The following CYP19A1 variants were observed in gnomAD, a reference collection of about 807,000 sequenced individuals.
The protein encoded by CYP19A1 is cytochrome P450 family 19 subfamily A member 1.
In CYP19A1, 32 loss-of-function variants were observed where a neutral mutation model predicts 44.4. The observed-to-expected ratio is 0.72, with a 90% CI of 0.54 to 0.97. The LOEUF (loss-of-function observed/expected upper bound fraction) is 0.97, where lower values mean the gene tolerates loss of function less well. CYP19A1 is among the 50% of genes least tolerant of loss of function. The probability of loss-of-function intolerance (pLI) is 0.00; values close to 1 mark genes in which losing one functional copy is unlikely to be tolerated. For missense variants in CYP19A1, 598 were observed against 637.8 expected (o/e 0.94, Z 0.67); for synonymous variants, 212 against 215.6 (o/e 0.98, Z 0.14).
chr15:51,238,898 A>C (rs16964215), intron 2 of CYP19A1, among the ~76,000 whole-genome samples: 15,390 of 152,226 alleles, frequency 0.1, 877 homozygotes, highest in Admixed American at 0.18. Flanking sequence ...GGGACTGGAG[A>C]TGTTATAAGT....
chr15:51,331,671 A>G (rs571249579), intron 1 of CYP19A1, among the ~76,000 whole-genome samples: 3 of 152,294 alleles, frequency 2.0e-5, no homozygotes, highest in East Asian at 3.9e-4. Context: ...AAGGTACTGA[A>G]ATCACACATG....
At chr15:51,216,531 G>T (rs2031596562) in intron 6 of CYP19A1, among the ~76,000 whole-genome samples, 1 of 152,304 alleles carries the variant, frequency 6.6e-6, no homozygotes, top group Non-Finnish European at 1.5e-5. Context: ...GGGATTGCAG[G>T]CATGAGCCAT....
intron 1 of CYP19A1, chr15:51,315,698 C>T (rs943172217): frequency 1.3e-5 from 2 of 152,234 alleles, no homozygotes; most frequent in African/African-American, 4.8e-5. Flanking sequence ...CCTCATGCTT[C>T]CCTGGATCTC....
intron 1 of CYP19A1, among the ~76,000 whole-genome samples, chr15:51,309,956 T>G (rs1199858348): frequency 6.6e-6 from 1 of 152,176 alleles, no homozygotes; most frequent in African/African-American, 2.4e-5. Flanking sequence ...CTTTGTTGAA[T>G]GAGCATTGTT....
chr15:51,231,041 A>G (rs1321621315), intron 3 of CYP19A1, among the ~76,000 whole-genome samples: 3 of 152,204 alleles, frequency 2.0e-5, no homozygotes, highest in Non-Finnish European at 2.9e-5. Flanking sequence ...CTAGGTGACT[A>G]CAAGAGATAA....
chr15:51,325,073 T>C (rs367790503), intron 1 of CYP19A1, among the ~76,000 whole-genome samples: 1 of 152,134 alleles, frequency 6.6e-6, no homozygotes, highest in Non-Finnish European at 1.5e-5. Context: ...ATTTCCAAGT[T>C]TAGGGCACAC....
At chr15:51,228,268 C>T (rs184470765) in intron 3 of CYP19A1, among the ~76,000 whole-genome samples, 1 of 152,306 alleles carries the variant, frequency 6.6e-6, no homozygotes, top group African/African-American at 2.4e-5. Flanking sequence ...TGCTAAGAAG[C>T]TGAACCCTCC....
rs2030596109 is a variant in CYP19A1, at chr15:51,208,456, A to G, written c.*2352T>C. The G allele has an allele frequency of 6.6e-6, 1 of 152,192 alleles. No individual in the cohort carries two copies. The highest frequency in any genetic ancestry group is 2.1e-4 in the South Asian group (1 of 4,822). The allele number at this position is 152,192 out of a possible 1,614,324, so 9.4% of individuals were successfully genotyped here. On this transcript the variant is annotated 3_prime_UTR_variant, in exon 10 of 10. Coordinates refer to ENST00000396402, the MANE Select transcript of CYP19A1 (RefSeq NM_000103.4). Reference sequence around the variant, plus strand: ...ACACATTGCAGTTCTTTCAGAACTGATGAAAATGGAATCCACAGCACATTG... The same window carrying G: ...ACACATTGCAGTTCTTTCAGAACTGGTGAAAATGGAATCCACAGCACATTG...
intron 1 of CYP19A1, among the ~76,000 whole-genome samples, chr15:51,272,141 C>G (rs2035148815): frequency 6.6e-6 from 1 of 152,198 alleles, no homozygotes; most frequent in African/African-American, 2.4e-5. Flanking sequence ...CCGTGAGTGC[C>G]AACTTTCTGT....
intron 1 of CYP19A1, chr15:51,277,536 A>G (rs1247325052): frequency 2.0e-5 from 3 of 152,258 alleles, no homozygotes; most frequent in Non-Finnish European, 4.4e-5. Context: ...TGGAATTGAC[A>G]TTGGATTAAA....
chr15:51,255,936 C>T (rs776840525), intron 1 of CYP19A1, among the ~76,000 whole-genome samples: 2 of 152,170 alleles, frequency 1.3e-5, no homozygotes, highest in Non-Finnish European at 2.9e-5. Context: ...AAAATGATGG[C>T]CCCAGAAGTG....
intron 1 of CYP19A1, among the ~76,000 whole-genome samples, chr15:51,248,404 C>G (rs967175509): frequency 2.6e-5 from 4 of 152,206 alleles, no homozygotes; most frequent in Admixed American, 6.5e-5. Flanking sequence ...GCTTTGGTGC[C>G]AGGCCATAAG....
At chr15:51,229,382 C>A (rs1370739649) in intron 3 of CYP19A1, among the ~76,000 whole-genome samples, 2 of 140,468 alleles carry the variant, frequency 1.4e-5, no homozygotes, top group Admixed American at 7.4e-5. Context: ...AGAGCAAGAT[C>A]CTATCTCAAA....
intron 1 of CYP19A1, among the ~76,000 whole-genome samples, chr15:51,292,604 C>T (rs527291927): frequency 2.6e-5 from 4 of 152,214 alleles, no homozygotes; most frequent in Non-Finnish European, 5.9e-5. Flanking sequence ...CTGGGGAGAA[C>T]AATGTCAAAT....
rs1238309521 is a variant in CYP19A1 at position 51,223,752 on chromosome 15, G to GCCTTAA, written c.452-1228_452-1227insTTAAGG. Among the ~76,000 whole-genome samples the GCCTTAA allele has an allele frequency of 3.9e-5, 6 of 152,262 alleles. No individual in the cohort carries two copies. In the East Asian group the frequency reaches 9.6e-4, roughly 24 times the overall value. Reference sequence around the variant, plus strand: ...CATACATCTTGGAAGGAAGGTTGAGGAAGGAGCAGGCTTTCTGACCATAGG... The same window carrying GCCTTAA: ...CATACATCTTGGAAGGAAGGTTGAGGCCTTAAAAGGAGCAGGCTTTCTGACCATAGG... On this transcript the variant is annotated intron_variant, in intron 4 of 9. Coordinates refer to ENST00000396402, the MANE Select transcript of CYP19A1 (RefSeq NM_000103.4).
intron 1 of CYP19A1, among the ~76,000 whole-genome samples, chr15:51,265,008 A>G (rs1482528040): frequency 6.6e-6 from 1 of 152,252 alleles, no homozygotes; most frequent in Non-Finnish European, 1.5e-5. Context: ...CACATAAGTA[A>G]TCAGACATTT....
At chr15:51,234,048 T>C (rs986018478) in intron 3 of CYP19A1, among the ~76,000 whole-genome samples, 1 of 152,072 alleles carries the variant, frequency 6.6e-6, no homozygotes. Flanking sequence ...TACACAGTTG[T>C]AATGACTACA....
chr15:51,319,876 A>G (rs562195920), intron 1 of CYP19A1, among the ~76,000 whole-genome samples: 1 of 152,300 alleles, frequency 6.6e-6, no homozygotes. Context: ...TCTGAACCTC[A>G]GGTTTCTTGT....
chr15:51,313,334 G>C (rs370834430), intron 1 of CYP19A1: 2 of 152,402 alleles, frequency 1.3e-5, no homozygotes, highest in South Asian at 2.1e-4. Context: ...CTTCAAATAG[G>C]AGGCTGGGGT....
Sources: allele counts gnomAD v4.1 joint callset (sites outside exome capture counted in the v4.1 genomes callset), GRCh38; gene constraint gnomAD v4.1.1; transcripts MANE v1.5; gene names NCBI Gene and HGNC (gene_info 2026-07-23, HGNC 2026-07-21).